Variants in ASTN2 observed in about 807,000 individuals in gnomAD.
The protein encoded by ASTN2 is astrotactin-2.
Under a neutral mutation model 139.8 loss-of-function variants are expected in ASTN2, and 54 were observed. The observed-to-expected ratio is 0.39, with a 90% CI of 0.31 to 0.48. The LOEUF (loss-of-function observed/expected upper bound fraction) is 0.48, where lower values mean the gene tolerates loss of function less well. Ranked by LOEUF, ASTN2 falls within the 20% of genes least tolerant of loss-of-function variation. The pLI is 0.95. For missense variants in ASTN2, 1,565 were observed against 1,725.1 expected (o/e 0.91, Z 1.64); for synonymous variants, 756 against 719.5 (o/e 1.05, Z -0.81).
intron 1 of ASTN2, among the ~76,000 whole-genome samples, chr9:117,351,096 G>A (rs1035111611): frequency 6.6e-6 from 1 of 152,160 alleles, no homozygotes; most frequent in African/African-American, 2.4e-5. Flanking sequence ...GCATGACAGA[G>A]CATTTAGGAA....
intron 16 of ASTN2, among the ~76,000 whole-genome samples, chr9:116,707,285 C>CAAAAAAAAAAA (rs766053427): frequency 1.6e-5 from 1 of 60,636 alleles, no homozygotes; most frequent in African/African-American, 6.4e-5. Flanking sequence ...GCCCCCTGAC[C>CAAAAAAAAAAA]AAAAAAAAAA....
At chr9:117,201,907 T>C (rs1484429469) in intron 3 of ASTN2, among the ~76,000 whole-genome samples, 2 of 152,188 alleles carry the variant, frequency 1.3e-5, no homozygotes, top group Non-Finnish European at 2.9e-5. Context: ...TAATTTTCTG[T>C]CTCGTTGATC....
chr9:116,777,498 C>T (rs990786355), intron 13 of ASTN2, among the ~76,000 whole-genome samples: 2 of 152,136 alleles, frequency 1.3e-5, no homozygotes, highest in Admixed American at 6.5e-5. Flanking sequence ...ATACTCTCTT[C>T]TCTGACCAGT....
intron 16 of ASTN2, among the ~76,000 whole-genome samples, chr9:116,672,189 C>CA (rs1406636746): frequency 6.6e-6 from 1 of 151,978 alleles, no homozygotes; most frequent in Non-Finnish European, 1.5e-5. Flanking sequence ...GCCTGGGCAA[C>CA]ATGGTGAAAC....
At chr9:116,920,230 C>CCCT (rs761181693) in intron 10 of ASTN2, among the ~76,000 whole-genome samples, 5 of 152,140 alleles carry the variant, frequency 3.3e-5, no homozygotes, top group African/African-American at 4.8e-5. Context: ...CAGAAGCAGC[C>CCCT]CCTCTCCCTG....
intron 2 of ASTN2, among the ~76,000 whole-genome samples, chr9:117,236,773 A>T (rs1263863352): frequency 6.6e-6 from 1 of 152,128 alleles, no homozygotes; most frequent in Admixed American, 6.5e-5. Flanking sequence ...TAGTTTTCTC[A>T]CCTATAAAAT....
chr9:117,358,141 T>C (rs564470999), intron 1 of ASTN2, among the ~76,000 whole-genome samples: 10 of 152,242 alleles, frequency 6.6e-5, no homozygotes, highest in African/African-American at 1.9e-4. Flanking sequence ...CCTTCTAGTT[T>C]CCTCAAAATC....
chr9:116,493,596 T>A (rs1337094265), intron 19 of ASTN2, among the ~76,000 whole-genome samples: 1 of 152,100 alleles, frequency 6.6e-6, no homozygotes, highest in Non-Finnish European at 1.5e-5. Flanking sequence ...CCACCCCCTA[T>A]TCCTCAATTC....
intron 4 of ASTN2, among the ~76,000 whole-genome samples, chr9:117,103,306 T>C (rs1181313399): frequency 6.6e-6 from 1 of 152,174 alleles, no homozygotes; most frequent in African/African-American, 2.4e-5. Flanking sequence ...TAGCAAAGCC[T>C]TCTACATGAG....
At chr9:116,974,350 G>T (rs540295970) in intron 10 of ASTN2, among the ~76,000 whole-genome samples, 1 of 152,200 alleles carries the variant, frequency 6.6e-6, no homozygotes, top group East Asian at 1.9e-4. Context: ...TTGACCTTGA[G>T]AAGTGCACCA....
chr9:116,648,448 T>C (rs1489263201), intron 17 of ASTN2, among the ~76,000 whole-genome samples: 2 of 152,106 alleles, frequency 1.3e-5, no homozygotes, highest in Non-Finnish European at 2.9e-5. Flanking sequence ...TTGTTATTTA[T>C]TGGAATCTGC....
rs555675504 is a variant in ASTN2, at chr9:116,752,310, A to AG, written c.2397-18788dup. Among the ~76,000 whole-genome samples, 17 of 152,334 alleles carry AG rather than the reference A, an allele frequency of 1.1e-4. No individual in the cohort carries two copies. In the East Asian group the frequency reaches 3.1e-3, roughly 28 times the overall value. On this transcript the variant is annotated intron_variant, in intron 13 of 22. Transcript: ENST00000313400. ...GACATCCATGTGCCAAGTAAAAAGA[A>AG]GGGATGAAGAAAAGAAGAAGAAAAA...
chr9:117,047,287 T>C (rs2132661888), intron 5 of ASTN2, among the ~76,000 whole-genome samples: 1 of 152,320 alleles, frequency 6.6e-6, no homozygotes, highest in Middle Eastern at 3.4e-3. Context: ...TGCACTGCTT[T>C]AGTGTGATGT....
intron 11 of ASTN2, among the ~76,000 whole-genome samples, chr9:116,846,140 G>T (rs1043093981): frequency 6.6e-6 from 1 of 152,172 alleles, no homozygotes; most frequent in African/African-American, 2.4e-5. Context: ...TTTATATGAG[G>T]TGCTTATAGC....
At chr9:116,512,256 T>C (rs573671065) in intron 19 of ASTN2, among the ~76,000 whole-genome samples, 4 of 152,252 alleles carry the variant, frequency 2.6e-5, no homozygotes, top group Non-Finnish European at 4.4e-5. Context: ...CATTTCGTTA[T>C]GTACCCAGTA....
intron 7 of ASTN2, among the ~76,000 whole-genome samples, chr9:116,981,594 G>T (rs1836514864): frequency 6.6e-6 from 1 of 152,200 alleles, no homozygotes; most frequent in African/African-American, 2.4e-5. Flanking sequence ...GGCCAGCCAG[G>T]ATGGAAACCC....
intron 2 of ASTN2, among the ~76,000 whole-genome samples, chr9:117,219,089 C>G (rs1044167368): frequency 1.3e-5 from 2 of 152,116 alleles, no homozygotes; most frequent in African/African-American, 4.8e-5. Context: ...AGCAAAGGAG[C>G]TCAAGAGAAC....
At chr9:117,234,367 G>A (rs893163468) in intron 2 of ASTN2, among the ~76,000 whole-genome samples, 4 of 152,074 alleles carry the variant, frequency 2.6e-5, no homozygotes, top group Non-Finnish European at 2.9e-5. Flanking sequence ...TCTCCTCCAC[G>A]CCTCTCCAGC....
At chr9:116,731,457 C>T (rs1051376113) in intron 14 of ASTN2, among the ~76,000 whole-genome samples, 74 of 151,910 alleles carry the variant, frequency 4.9e-4, no homozygotes, top group Non-Finnish European at 1.2e-4. Flanking sequence ...AGTTTCACTC[C>T]TGTTGCCCAT....
Sources: allele counts gnomAD v4.1 joint callset (sites outside exome capture counted in the v4.1 genomes callset), GRCh38; gene constraint gnomAD v4.1.1; transcripts MANE v1.5; gene names NCBI Gene and HGNC (gene_info 2026-07-23, HGNC 2026-07-21).